Variants in VTI1A observed in about 807,000 individuals in gnomAD.
VTI1A encodes the protein vesicle transport through interaction with t-SNAREs homolog 1A.
In VTI1A, 22 loss-of-function variants were observed where a neutral mutation model predicts 34.9. That is an observed-to-expected ratio of 0.63 (90% CI 0.45 to 0.90). The LOEUF (loss-of-function observed/expected upper bound fraction) is 0.90, where lower values mean the gene tolerates loss of function less well. Among genes scored for constraint, VTI1A ranks in the 40% least tolerant of loss-of-function variants. VTI1A has a pLI of 0.00. For missense variants in VTI1A, 268 were observed against 275.6 expected, an observed-to-expected ratio of 0.97 and a Z score of 0.20; for synonymous variants, 87 against 97.3, an observed-to-expected ratio of 0.89 and a Z score of 0.62.
intron 4 of VTI1A, among the ~76,000 whole-genome samples, chr10:112,531,732 T>A (rs1481376662): frequency 6.6e-6 from 1 of 152,186 alleles, no homozygotes; most frequent in Non-Finnish European, 1.5e-5. Context: ...AGTATCATAG[T>A]CAACCAAAGA....
chr10:112,512,887 A>G (rs1402764322), intron 3 of VTI1A, among the ~76,000 whole-genome samples: 3 of 152,028 alleles, frequency 2.0e-5, no homozygotes, highest in African/African-American at 7.2e-5. Flanking sequence ...CTCTTGTTCC[A>G]TTGGTCCATG....
At chr10:112,449,988 C>G (rs1334507717) in intron 1 of VTI1A, 1 of 152,146 alleles carries the variant, frequency 6.6e-6, no homozygotes, top group Non-Finnish European at 1.5e-5. Context: ...CAACCTCTCC[C>G]TCACGGCTCA....
Position 112,664,826 on chromosome 10 carries a change from G to A in VTI1A, c.428-3392G>A, listed in dbSNP as rs141723604. ...CCACTGTGGAAAGGAGAGAAGTAGA[G>A]GAAGGAGCTCTTCCTTCCAGGAATT... On this transcript the variant is annotated intron_variant, in intron 5 of 7. Transcript: ENST00000393077. Among the ~76,000 whole-genome samples the A allele has an allele frequency of 4.8e-3, 728 of 152,268 alleles. 3 individuals are homozygous for A. The highest frequency in any genetic ancestry group is 0.016 in the African/African-American group (684 of 41,546).
At chr10:112,622,862 T>A (rs1373850376) in intron 5 of VTI1A, among the ~76,000 whole-genome samples, 1 of 152,246 alleles carries the variant, frequency 6.6e-6, no homozygotes, top group Non-Finnish European at 1.5e-5. Flanking sequence ...GTTTTCAAAA[T>A]TCCAATTATG....
At chr10:112,608,216 C>T (rs1225249001) in intron 5 of VTI1A, among the ~76,000 whole-genome samples, 1 of 152,064 alleles carries the variant, frequency 6.6e-6, no homozygotes, top group African/African-American at 2.4e-5. Flanking sequence ...AAGAAGATAC[C>T]CTTCCAGTAG....
At chr10:112,755,931 G>T (rs1053402953) in intron 7 of VTI1A, among the ~76,000 whole-genome samples, 2 of 152,098 alleles carry the variant, frequency 1.3e-5, no homozygotes, top group African/African-American at 4.8e-5. Context: ...ATTGGCCCAA[G>T]TCCAGAGCAT....
intron 4 of VTI1A, among the ~76,000 whole-genome samples, chr10:112,530,355 A>G (rs1342295906): frequency 6.6e-6 from 1 of 152,140 alleles, no homozygotes; most frequent in Non-Finnish European, 1.5e-5. Flanking sequence ...TGAGTTCTTG[A>G]ATGTAGTGAT....
At chr10:112,738,677 A>G (rs1042177185) in intron 7 of VTI1A, among the ~76,000 whole-genome samples, 1 of 152,102 alleles carries the variant, frequency 6.6e-6, no homozygotes, top group African/African-American at 2.4e-5. Flanking sequence ...AGCCATCTGG[A>G]TCTTAATGGT....
intron 2 of VTI1A, among the ~76,000 whole-genome samples, chr10:112,464,327 T>C (rs1238208023): frequency 6.6e-6 from 1 of 152,250 alleles, no homozygotes; most frequent in Non-Finnish European, 1.5e-5. Context: ...AAGCATGTAC[T>C]TGAGCACAGT....
intron 5 of VTI1A, among the ~76,000 whole-genome samples, chr10:112,654,208 G>C (rs77115719): frequency 6.6e-6 from 1 of 152,156 alleles, no homozygotes; most frequent in Non-Finnish European, 1.5e-5. Context: ...TTTATAAAAT[G>C]AATAATTTTT....
At chr10:112,618,292 AATGAG>A (rs1158308303) in intron 5 of VTI1A, among the ~76,000 whole-genome samples, 1 of 151,612 alleles carries the variant, frequency 6.6e-6, no homozygotes, top group East Asian at 1.9e-4. Flanking sequence ...GTGAAAATGA[AATGAG>A]ATAAGTAGCA....
At chr10:112,729,607 A>G (rs1407296941) in intron 7 of VTI1A, among the ~76,000 whole-genome samples, 1 of 152,216 alleles carries the variant, frequency 6.6e-6, no homozygotes, top group Non-Finnish European at 1.5e-5. Flanking sequence ...TGCGAAATAT[A>G]CAACAGAAGT....
intron 5 of VTI1A, among the ~76,000 whole-genome samples, chr10:112,621,060 T>C (rs1845715160): frequency 6.6e-6 from 1 of 152,250 alleles, no homozygotes; most frequent in Non-Finnish European, 1.5e-5. Context: ...AAAAATTGCC[T>C]GTTCTTTTCC....
At chr10:112,747,580 G>A (rs948127585) in intron 7 of VTI1A, among the ~76,000 whole-genome samples, 4 of 152,172 alleles carry the variant, frequency 2.6e-5, no homozygotes, top group African/African-American at 7.2e-5. Flanking sequence ...GCCGATGACC[G>A]TAATTGTTTT....
At chr10:112,740,389 A>G (rs1227313323) in intron 7 of VTI1A, among the ~76,000 whole-genome samples, 1 of 152,162 alleles carries the variant, frequency 6.6e-6, no homozygotes, top group East Asian at 1.9e-4. Context: ...TCCCAGGTTC[A>G]AGCAAGTCTC....
intron 7 of VTI1A, among the ~76,000 whole-genome samples, chr10:112,768,795 G>A (rs1450245786): frequency 1.3e-5 from 2 of 152,126 alleles, no homozygotes; most frequent in Non-Finnish European, 2.9e-5. Context: ...CCTGATTTGG[G>A]TAAATGTGTT....
intron 3 of VTI1A, among the ~76,000 whole-genome samples, chr10:112,524,031 G>A (rs1280910564): frequency 2.6e-5 from 4 of 150,994 alleles, no homozygotes; most frequent in Non-Finnish European, 5.9e-5. Flanking sequence ...TGTAGCATGG[G>A]TTTTTTTTTA....
At chr10:112,667,415 A>G (rs865854449) in intron 5 of VTI1A, among the ~76,000 whole-genome samples, 3 of 152,166 alleles carry the variant, frequency 2.0e-5, no homozygotes, top group African/African-American at 7.2e-5. Context: ...AGCCATACCT[A>G]CTGTCTTCTA....
chr10:112,803,273 G>C (rs1590198989), intron 7 of VTI1A, among the ~76,000 whole-genome samples: 1 of 152,170 alleles, frequency 6.6e-6, no homozygotes, highest in Non-Finnish European at 1.5e-5. Context: ...TTACCAGGTT[G>C]GTCAGGCTGG....
Sources: gnomAD v4.1 joint callset for allele counts (sites outside exome capture counted in the v4.1 genomes callset) on GRCh38, gnomAD v4.1.1 for gene constraint, MANE v1.5 for transcripts, NCBI Gene and HGNC (gene_info 2026-07-23, HGNC 2026-07-21) for gene names.